Variants in MACROD2 observed in about 807,000 individuals in gnomAD.
MACROD2 encodes mono-ADP ribosylhydrolase 2.
MACROD2 carries 36 observed loss-of-function variants against 70.4 expected under a neutral mutation model. That is an observed-to-expected ratio of 0.51 (90% confidence interval 0.39 to 0.68). MACROD2 has a LOEUF of 0.68. Ranked by LOEUF, MACROD2 falls within the 30% of genes least tolerant of loss-of-function variation. The probability of loss-of-function intolerance (pLI) is 0.00; values close to 1 mark genes in which losing one functional copy is unlikely to be tolerated. For synonymous variants in MACROD2, 172 were observed against 178.8 expected (o/e 0.96, Z 0.30); for missense variants, 496 against 538.4 (o/e 0.92, Z 0.78).
chr20:14,966,343 A>T (rs1440543033), intron 5 of MACROD2, among the ~76,000 whole-genome samples: 12 of 152,194 alleles, frequency 7.9e-5, no homozygotes, highest in Admixed American at 5.9e-4. Flanking sequence ...TGGGAGGCTG[A>T]GGCAGGGGGA....
intron 4 of MACROD2, among the ~76,000 whole-genome samples, chr20:14,634,671 GT>G (rs1432254510): frequency 6.6e-6 from 1 of 152,084 alleles, no homozygotes; most frequent in East Asian, 1.9e-4. Context: ...TGTAAATGTT[GT>G]GGGGCATAGA....
intron 5 of MACROD2, among the ~76,000 whole-genome samples, chr20:15,189,357 T>C (rs1031989036): frequency 6.6e-5 from 10 of 152,218 alleles, no homozygotes; most frequent in African/African-American, 2.2e-4. Flanking sequence ...TGTGTGTATG[T>C]GTATATGTAT....
intron 6 of MACROD2, among the ~76,000 whole-genome samples, chr20:15,306,083 A>G (rs1902377984): frequency 1.3e-5 from 2 of 152,188 alleles, no homozygotes; most frequent in Admixed American, 6.5e-5. Flanking sequence ...ATAGACATTT[A>G]GTTTGTTTCC....
intron 5 of MACROD2, among the ~76,000 whole-genome samples, chr20:14,714,104 A>C (rs2071369485): frequency 6.6e-6 from 1 of 152,122 alleles, no homozygotes; most frequent in South Asian, 2.1e-4. Context: ...CCTCAAAAAT[A>C]GGTTGGGCTC....
chr20:14,679,511 A>C (rs960033430), intron 4 of MACROD2, among the ~76,000 whole-genome samples: 4 of 152,218 alleles, frequency 2.6e-5, no homozygotes, highest in African/African-American at 9.6e-5. Context: ...GTGTTTTACA[A>C]TGTAAGATAT....
At chr20:14,295,693 C>G (rs1240539734) in intron 3 of MACROD2, among the ~76,000 whole-genome samples, 4 of 151,872 alleles carry the variant, frequency 2.6e-5, no homozygotes, top group Non-Finnish European at 5.9e-5. Flanking sequence ...CCACCCTGTT[C>G]TAGATGTTGT....
intron 3 of MACROD2, among the ~76,000 whole-genome samples, chr20:14,312,075 A>T (rs2082572660): frequency 6.6e-6 from 1 of 152,140 alleles, no homozygotes; most frequent in Admixed American, 6.6e-5. Flanking sequence ...TAATTCTCTT[A>T]GGTGGATGTG....
chr20:14,224,437 C>G (rs906648636), intron 3 of MACROD2, among the ~76,000 whole-genome samples: 16 of 152,196 alleles, frequency 1.1e-4, no homozygotes, highest in African/African-American at 3.9e-4. Context: ...CTGCCTGGGC[C>G]TGGCCTCTTC....
intron 8 of MACROD2, among the ~76,000 whole-genome samples, chr20:15,548,558 G>A (rs1486235826): frequency 6.6e-6 from 1 of 152,052 alleles, no homozygotes; most frequent in Non-Finnish European, 1.5e-5. Context: ...ACCACGCCTG[G>A]CTAATTTTTG....
intron 8 of MACROD2, among the ~76,000 whole-genome samples, chr20:15,760,171 T>G (rs1368341843): frequency 2.0e-5 from 3 of 152,170 alleles, no homozygotes; most frequent in African/African-American, 7.2e-5. Context: ...TCCTTTGGAT[T>G]GAATCATCGT....
chr20:14,738,087 G>GTTT (rs11474629), intron 5 of MACROD2, among the ~76,000 whole-genome samples: 178 of 148,368 alleles, frequency 1.2e-3, no homozygotes, highest in East Asian at 8.8e-3. Flanking sequence ...TCTATCAAGT[G>GTTT]TTTTTTTTTT....
intron 5 of MACROD2, among the ~76,000 whole-genome samples, chr20:14,990,044 T>G (rs980093949): frequency 2.0e-5 from 3 of 152,030 alleles, no homozygotes; most frequent in African/African-American, 7.2e-5. Flanking sequence ...GATGGGTCAG[T>G]TTTTACAAGT....
chr20:15,083,935 GC>G (rs200423402), intron 5 of MACROD2, among the ~76,000 whole-genome samples: 2,885 of 152,074 alleles, frequency 0.019, 81 homozygotes, highest in African/African-American at 0.067. Flanking sequence ...TTGAACCACA[GC>G]ACAAAATGAG....
At chr20:15,620,108 G>A (rs1426102444) in intron 8 of MACROD2, among the ~76,000 whole-genome samples, 2 of 152,162 alleles carry the variant, frequency 1.3e-5, no homozygotes, top group Admixed American at 6.5e-5. Flanking sequence ...CTCCAGGACA[G>A]AAGGACACTC....
chr20:14,866,595 A>C (rs1425518605), intron 5 of MACROD2, among the ~76,000 whole-genome samples: 1 of 152,156 alleles, frequency 6.6e-6, no homozygotes, highest in East Asian at 1.9e-4. Context: ...AAAATTGTCC[A>C]GGAGAACAAC....
chr20:14,429,879 G>A (rs183050283), intron 3 of MACROD2, among the ~76,000 whole-genome samples: 1 of 152,062 alleles, frequency 6.6e-6, no homozygotes, highest in South Asian at 2.1e-4. Flanking sequence ...TTACCAGAGG[G>A]TCCCTAACAG....
chr20:15,182,348 G>A (rs183707658), intron 5 of MACROD2, among the ~76,000 whole-genome samples: 3 of 152,256 alleles, frequency 2.0e-5, no homozygotes, highest in African/African-American at 4.8e-5. Context: ...GTAAATGATT[G>A]TGCAATTGTG....
chr20:15,531,318 CAAAA>C (rs11467939), intron 8 of MACROD2, among the ~76,000 whole-genome samples: 18,897 of 151,118 alleles, frequency 0.13, 1,310 homozygotes, highest in East Asian at 0.29. Context: ...ATAACATAAA[CAAAA>C]ATAAAATATA....
intron 3 of MACROD2, among the ~76,000 whole-genome samples, chr20:14,263,790 G>A (rs886549040): frequency 3.3e-5 from 5 of 151,574 alleles, no homozygotes; most frequent in African/African-American, 7.3e-5. Flanking sequence ...GTGAAATCCC[G>A]ACTCCACACA....
Sources: allele counts gnomAD v4.1 joint callset (sites outside exome capture counted in the v4.1 genomes callset), GRCh38; gene constraint gnomAD v4.1.1; transcripts MANE v1.5; gene names NCBI Gene and HGNC (gene_info 2026-07-23, HGNC 2026-07-21).